The following RSPO3 variants were observed in gnomAD, a reference collection of about 807,000 sequenced individuals.
RSPO3 encodes R-spondin 3.
In RSPO3, 17 loss-of-function variants were observed where a neutral mutation model predicts 36.5. That is an observed-to-expected ratio of 0.47 (90% CI 0.32 to 0.70). The LOEUF (loss-of-function observed/expected upper bound fraction) is 0.70. RSPO3 is among the 30% of genes least tolerant of loss of function. RSPO3 has a pLI of 0.04. For synonymous variants in RSPO3, 108 were observed against 107.0 expected (o/e 1.01, Z -0.06); for missense variants, 294 against 322.5 (o/e 0.91, Z 0.68).
At chr6:127,140,100 T>G (rs1279541026) in intron 1 of RSPO3, among the ~76,000 whole-genome samples, 1 of 152,132 alleles carries the variant, frequency 6.6e-6, no homozygotes, top group Non-Finnish European at 1.5e-5. Context: ...TTTTAATTCA[T>G]TTAAGGAATT....
chr6:127,154,956 A>G (rs1774563271), intron 3 of RSPO3, among the ~76,000 whole-genome samples: 1 of 152,162 alleles, frequency 6.6e-6, no homozygotes, highest in Non-Finnish European at 1.5e-5. Flanking sequence ...AGAATTGATC[A>G]ATTTTAGTGA....
intron 1 of RSPO3, among the ~76,000 whole-genome samples, chr6:127,147,241 A>C: frequency 6.6e-6 from 1 of 152,146 alleles, no homozygotes; most frequent in East Asian, 1.9e-4. Flanking sequence ...CCCTGTGGTA[A>C]GGCTGTTTGG....
At chr6:127,143,953 CTT>C (rs1291758288) in intron 1 of RSPO3, among the ~76,000 whole-genome samples, 2 of 152,132 alleles carry the variant, frequency 1.3e-5, no homozygotes, top group African/African-American at 4.8e-5. Flanking sequence ...TGAATTAACT[CTT>C]ATGATAATAG....
intron 4 of RSPO3, among the ~76,000 whole-genome samples, chr6:127,186,835 G>T (rs558897589): frequency 6.6e-6 from 1 of 152,040 alleles, no homozygotes; most frequent in Non-Finnish European, 1.5e-5. Context: ...GGAATCACTG[G>T]ATAGATGGTC....
At chr6:127,182,137 ACT>A (rs1219870740) in intron 4 of RSPO3, among the ~76,000 whole-genome samples, 2 of 151,524 alleles carry the variant, frequency 1.3e-5, no homozygotes, top group African/African-American at 4.8e-5. Flanking sequence ...TCTCTGGGAA[ACT>A]CTCCTAGGAA....
At chr6:127,180,070 T>C (rs1014334457) in intron 4 of RSPO3, among the ~76,000 whole-genome samples, 2 of 151,784 alleles carry the variant, frequency 1.3e-5, no homozygotes, top group Non-Finnish European at 2.9e-5. Flanking sequence ...CATGGGAGAA[T>C]TGGTTGTAAA....
chr6:127,168,858 C>G (rs541674950), intron 4 of RSPO3, among the ~76,000 whole-genome samples: 32 of 152,128 alleles, frequency 2.1e-4, no homozygotes, highest in African/African-American at 7.5e-4. Flanking sequence ...AATAGGGAAT[C>G]CTTTCCCCAT....
chr6:127,127,718 C>T (rs541568271), intron 1 of RSPO3, among the ~76,000 whole-genome samples: 7 of 152,208 alleles, frequency 4.6e-5, no homozygotes, highest in South Asian at 2.1e-4. Flanking sequence ...TGATTCTTCA[C>T]TCCACCTTAA....
rs1413519037 is a variant in RSPO3, at chr6:127,199,118, T to C, written c.*3111T>C. ...GCACTGGTGCTAGCGTTAGACAGCT[T>C]GTGTTAATGTCTCAATTCTGCTACT... On this transcript the variant is annotated 3_prime_UTR_variant, in exon 5 of 5. Transcript: ENST00000356698. Among the ~76,000 whole-genome samples, 1 of 152,204 alleles carries C rather than the reference T, an allele frequency of 6.6e-6. No individual in the cohort carries two copies. Among genetic ancestry groups the C allele is most frequent in the African/African-American group, 2.4e-5 (1 of 41,462 alleles).
In RSPO3 at chr6:127,119,163, A is replaced by G; in HGVS notation, c.-30A>G. On this transcript the variant is annotated 5_prime_UTR_variant, in exon 1 of 5. Transcript: ENST00000356698. ...ATAATTAACAATCAAAAGAAAGAGG[A>G]GAAAGGAAGGGAAGCATTACTGGGT... 6.9e-7 allele frequency: 1 copy of G among 1,450,708 alleles called. No individual in the cohort carries two copies. The highest frequency in any genetic ancestry group is 9.7e-7 in the Non-Finnish European group (1 of 1,035,890). The allele number at this position is 1,450,708 out of a possible 1,614,324, so 89.9% of individuals were successfully genotyped here.
chr6:127,155,176 T>G, intron 3 of RSPO3, 65 bp from the exon 4 acceptor site: 1 of 1,522,036 alleles, frequency 6.6e-7, no homozygotes, highest in Non-Finnish European at 9.1e-7. Context: ...CAAATCTTTT[T>G]TTAACTCAAC....
At chr6:127,138,919 G>C (rs1774213881) in intron 1 of RSPO3, among the ~76,000 whole-genome samples, 1 of 152,196 alleles carries the variant, frequency 6.6e-6, no homozygotes, top group Non-Finnish European at 1.5e-5. Context: ...AATGAGTGCA[G>C]ATCCAGTACC....
intron 1 of RSPO3, among the ~76,000 whole-genome samples, chr6:127,135,249 G>A (rs2489624): frequency 0.11 from 16,042 of 151,682 alleles, 1,594 homozygotes; most frequent in African/African-American, 0.26. Context: ...GTGAAACCCC[G>A]TCTCTACTAA....
chr6:127,136,932 T>C (rs189995140), intron 1 of RSPO3, among the ~76,000 whole-genome samples: 6 of 152,142 alleles, frequency 3.9e-5, no homozygotes, highest in Non-Finnish European at 5.9e-5. Flanking sequence ...TGAATACCCA[T>C]GAATGAGCTT....
rs948424881 is a variant in RSPO3, at chr6:127,198,274, G to A, written c.*2267G>A. 6.6e-6 allele frequency among the ~76,000 whole-genome samples: 1 copy of A among 152,104 alleles called. No homozygotes were observed. The highest frequency in any genetic ancestry group is 6.6e-5 in the Admixed American group (1 of 15,262). ...AAGTAGAATTATTACAAAGGAAAAA[G>A]AAATAAAAACTAACATTCATTTTCA... is the stretch of plus-strand genomic sequence containing the variant. On this transcript the variant is annotated 3_prime_UTR_variant, in exon 5 of 5. Transcript: ENST00000356698.
chr6:127,194,964 C>A (rs1192830877), intron 4 of RSPO3, among the ~76,000 whole-genome samples: 1 of 152,112 alleles, frequency 6.6e-6, no homozygotes, highest in Non-Finnish European at 1.5e-5. Context: ...AAATTATAAT[C>A]AAAATTAATT....
At chr6:127,124,244 A>C (rs1773897733) in intron 1 of RSPO3, among the ~76,000 whole-genome samples, 1 of 152,090 alleles carries the variant, frequency 6.6e-6, no homozygotes, top group Non-Finnish European at 1.5e-5. Flanking sequence ...TTTTGGACAT[A>C]TCTTGATCTC....
Position 127,124,933 on chromosome 6 carries a change from T to G in RSPO3, c.97+5644T>G, listed in dbSNP as rs535523774. 6.1e-4 allele frequency among the ~76,000 whole-genome samples: 93 copies of G among 152,178 alleles called. 1 individual carries two copies. The highest frequency in any genetic ancestry group is 2.2e-3 in the African/African-American group (91 of 41,554). Reference sequence around the variant, plus strand: ...TGTCATTGATTGCTAAGAATCCCATTTTCTGCTCTAAAGTTTCAATAACAT... The same window carrying G: ...TGTCATTGATTGCTAAGAATCCCATGTTCTGCTCTAAAGTTTCAATAACAT... On this transcript the variant is annotated intron_variant, in intron 1 of 4. Coordinates refer to ENST00000356698, the MANE Select transcript of RSPO3 (RefSeq NM_032784.5).
rs370447756 is a variant in RSPO3, at chr6:127,136,033, A to G, written c.98-12615A>G. On this transcript the variant is annotated intron_variant, in intron 1 of 4. Coordinates refer to ENST00000356698, the MANE Select transcript of RSPO3 (RefSeq NM_032784.5). The stretch of plus-strand genomic sequence containing the variant: ...CAGCATAAACCACTCATGTTACTGA[A>G]GAAGATAAAGAGAGACCAGAGAAGT... Among the ~76,000 whole-genome samples the G allele has an allele frequency of 2.3e-3, 349 of 152,260 alleles. 1 individual carries two copies. The highest frequency in any genetic ancestry group is 8.2e-3 in the African/African-American group (342 of 41,530).
Sources: allele counts gnomAD v4.1 joint callset (sites outside exome capture counted in the v4.1 genomes callset), GRCh38; gene constraint gnomAD v4.1.1; transcripts MANE v1.5; gene names NCBI Gene and HGNC (gene_info 2026-07-23, HGNC 2026-07-21).